Variants in PTK7 observed in about 807,000 individuals in gnomAD.
The protein encoded by PTK7 is inactive tyrosine-protein kinase 7.
A neutral mutation model predicts 116.6 loss-of-function variants in PTK7; 39 were observed. The observed-to-expected ratio is 0.33, with a 90% CI of 0.26 to 0.44. PTK7 has a LOEUF of 0.44. PTK7 is among the 20% of genes least tolerant of loss of function. The probability of loss-of-function intolerance (pLI) is 1.00; values close to 1 mark genes in which losing one functional copy is unlikely to be tolerated. For synonymous variants in PTK7, 546 were observed against 563.6 expected (o/e 0.97, Z 0.44); for missense variants, 1,169 against 1,425.6 (o/e 0.82, Z 2.90).
chr6:43,092,732 C>CTATAACTGTGATGGTTATCTGTGGAGGT (rs1376091247), intron 1 of PTK7, among the ~76,000 whole-genome samples: 4 of 152,082 alleles, frequency 2.6e-5, no homozygotes, highest in African/African-American at 7.2e-5. Context: ...TAAAAGTTGG[C>CTATAACTGTGATGGTTATCTGTGGAGGT]TATAACTGTG....
intron 1 of PTK7, among the ~76,000 whole-genome samples, chr6:43,114,272 C>T (rs1247699118): frequency 1.3e-5 from 2 of 152,204 alleles, no homozygotes; most frequent in African/African-American, 2.4e-5. Flanking sequence ...CAGTTTCTCT[C>T]TGTCTGTGTC....
rs1238212589 is a variant in PTK7 at position 43,143,079 on chromosome 6, T to C, written c.2048-338T>C. The stretch of plus-strand genomic sequence containing the variant: ...TAAACCTGAAGCTCCCAAATGCTGC[T>C]CTCCGGGGCCTGGCTCACATTATCA... On this transcript the variant is annotated intron_variant, in intron 13 of 19. Transcript: ENST00000230419. This position sits in a 1 kb window ranked among gnomAD's most constrained non-coding sequence, Gnocchi z 4.2. 4 of 240,226 alleles carry C rather than the reference T, an allele frequency of 1.7e-5. No individual in the cohort carries two copies. Among genetic ancestry groups the C allele is most frequent in the Non-Finnish European group, 2.4e-5 (3 of 122,544 alleles). The allele number at this position is 240,226 out of a possible 1,614,324, so 14.9% of individuals were successfully genotyped here. A position where few individuals can be genotyped will look rare whatever the true frequency, so the allele number is the denominator to read the frequency against.
chr6:43,081,045 A>G (rs2150367884), intron 1 of PTK7, among the ~76,000 whole-genome samples: 2 of 152,116 alleles, frequency 1.3e-5, no homozygotes, highest in Admixed American at 1.3e-4. Flanking sequence ...CATTCCCAAC[A>G]ATAGACATTT....
intron 1 of PTK7, among the ~76,000 whole-genome samples, chr6:43,103,184 C>G (rs1043005087): frequency 4.6e-5 from 7 of 152,202 alleles, no homozygotes; most frequent in African/African-American, 1.7e-4. Flanking sequence ...ACAAAATGCT[C>G]AGGCATAAAC....
chr6:43,140,519 T>C (rs182813484), intron 10 of PTK7, among the ~76,000 whole-genome samples: 1 of 152,060 alleles, frequency 6.6e-6, no homozygotes, highest in Non-Finnish European at 1.5e-5. Flanking sequence ...TTTGGGTGTA[T>C]GTCTTCTTTT....
Position 43,138,945 on chromosome 6 carries a change from C to T in PTK7, c.1325C>T (p.Thr442Ile), listed in dbSNP as rs566201331. The change falls in exon 8 of 20, where the codon ACA (threonine) becomes ATA (isoleucine). Residue 442 changes from threonine (T) to isoleucine (I), a missense_variant. Physicochemically the swap from Thr to Ile is moderately conservative, Grantham distance 89 (BLOSUM62 -1). Transcript: ENST00000230419. ...DCLTQATPKP[T>I]VVWYRNQMLI... is the part of the protein sequence containing the mutation. ...CTGACCCAGGCCACACCAAAACCTA[C>T]AGTTGTCTGGTACAGAAACCAGATG... is the stretch of plus-strand genomic sequence containing the variant. The T allele has an allele frequency of 9.3e-6, 15 of 1,614,146 alleles. No individual in the cohort carries two copies. In the African/African-American group the frequency reaches 1.7e-4, roughly 19 times the overall value.
At chr6:43,126,307 A>G (rs759219496) in intron 1 of PTK7, among the ~76,000 whole-genome samples, 2 of 152,086 alleles carry the variant, frequency 1.3e-5, no homozygotes, top group Non-Finnish European at 2.9e-5. Flanking sequence ...GTGGCAGAGT[A>G]AGTAAGACTC....
intron 1 of PTK7, among the ~76,000 whole-genome samples, chr6:43,107,494 C>T (rs1582105079): frequency 6.6e-6 from 1 of 152,296 alleles, no homozygotes; most frequent in East Asian, 1.9e-4. Flanking sequence ...AGCATTATAA[C>T]AAGTTAATAT....
chr6:43,145,584 T>G lies in PTK7; in HGVS notation c.2640+152T>G. On this transcript the variant is annotated intron_variant, in intron 16 of 19. Coordinates refer to ENST00000230419, the MANE Select transcript of PTK7 (RefSeq NM_002821.5). The surrounding 1 kb of genome is among the most constrained non-coding windows in gnomAD (Gnocchi z 4.8). ...CTGCTGTTACACTTTGCCCACCTTA[T>G]GATGCTCAGCTTCTGCCTTCCCTGC... The G allele has an allele frequency of 2.0e-6, 1 of 505,462 alleles. No homozygotes were observed. The highest frequency in any genetic ancestry group is 3.3e-6 in the Non-Finnish European group (1 of 300,600). The allele number at this position is 505,462 out of a possible 1,614,324, so 31.3% of individuals were successfully genotyped here.
chr6:43,115,947 A>AAAAAAGG (rs577047547), intron 1 of PTK7, among the ~76,000 whole-genome samples: 10 of 128,402 alleles, frequency 7.8e-5, no homozygotes, highest in African/African-American at 2.5e-4. Context: ...AAAAAAAAAA[A>AAAAAAGG]GGCAGTGGGC....
chr6:43,146,786 T>C (rs1208924580), intron 17 of PTK7, 88 bp downstream of exon 17: 11 of 1,155,654 alleles, frequency 9.5e-6, no homozygotes, highest in Non-Finnish European at 1.3e-5. Flanking sequence ...GGGCTCTCTA[T>C]GGGCCAGGCC....
At chr6:43,134,291 G>A (rs1301558521) in intron 7 of PTK7, among the ~76,000 whole-genome samples, 1 of 151,886 alleles carries the variant, frequency 6.6e-6, no homozygotes, top group Non-Finnish European at 1.5e-5. Flanking sequence ...CACCTGCCTC[G>A]GCCTCCTAAA....
chr6:43,157,724 A>AAT (rs939911312), intron 17 of PTK7, among the ~76,000 whole-genome samples: 13 of 151,456 alleles, frequency 8.6e-5, no homozygotes, highest in Non-Finnish European at 1.6e-4. Flanking sequence ...CTACCAAAGA[A>AAT]ATATATATAT....
At chr6:43,077,524 T>G (rs915629281) in intron 1 of PTK7, among the ~76,000 whole-genome samples, 7 of 152,100 alleles carry the variant, frequency 4.6e-5, no homozygotes, top group African/African-American at 1.7e-4. Context: ...CCTGGCTTGG[T>G]CACACCTAAG....
In PTK7 at chr6:43,158,868, C is replaced by T. The variant is rs140848241; in HGVS notation, c.2773C>T (p.Arg925Cys). The change falls in exon 18 of 20, where the codon CGC becomes TGC. Residue 925 changes from arginine to cysteine, a missense_variant. Arg to Cys is a radical substitution (Grantham distance 180). Coordinates refer to ENST00000230419, the MANE Select transcript of PTK7 (RefSeq NM_002821.5). ...ALGMEHLSNN[R>C]FVHKDLAARN... ...GGGCATGGAGCACCTGTCCAACAAC[C>T]GCTTTGTGCATAAGGACTTGGCTGC... is the stretch of plus-strand genomic sequence containing the variant. 1.2e-5 allele frequency: 19 copies of T among 1,614,060 alleles called. No homozygotes were observed. The highest frequency in any genetic ancestry group is 7.7e-5 in the South Asian group (7 of 91,080).
At chr6:43,123,834 C>T (rs531344742) in intron 1 of PTK7, among the ~76,000 whole-genome samples, 40 of 152,288 alleles carry the variant, frequency 2.6e-4, no homozygotes, top group South Asian at 8.3e-4. Flanking sequence ...GGGGAAGCAG[C>T]ACCCTCTGCG....
Position 43,129,283 on chromosome 6 carries a change from G to A in PTK7, c.367+19G>A, listed in dbSNP as rs1356232999. 3 of 1,613,650 alleles carry A rather than the reference G, an allele frequency of 1.9e-6. No individual in the cohort carries two copies. Among genetic ancestry groups the A allele is most frequent in the South Asian group, 1.1e-5 (1 of 91,036 alleles). On this transcript the variant is annotated intron_variant, in intron 2 of 19. Transcript: ENST00000230419. The surrounding 1 kb of genome is among the most constrained non-coding windows in gnomAD (Gnocchi z 4.5). ...ATCAAATGTGAGAGCCAGGGGGGCTGTGCCCAGTCCCCCTGTCAGACCCTC... is the reference window on the plus strand; with the variant it reads ...ATCAAATGTGAGAGCCAGGGGGGCTATGCCCAGTCCCCCTGTCAGACCCTC...
chr6:43,137,510 C>T (rs538187241), intron 7 of PTK7, among the ~76,000 whole-genome samples: 14 of 152,158 alleles, frequency 9.2e-5, no homozygotes, highest in South Asian at 2.1e-4. Flanking sequence ...CTTTAGCACA[C>T]GTAAAGTTTG....
At chr6:43,158,768 C>G in intron 17 of PTK7, 49 bp from the exon 18 acceptor site, 1 of 1,587,074 alleles carries the variant, frequency 6.3e-7, no homozygotes, top group Non-Finnish European at 8.6e-7. Context: ...GGGTGGTCAT[C>G]TTGATGCCTA....
Sources: allele counts gnomAD v4.1 joint callset (sites outside exome capture counted in the v4.1 genomes callset), GRCh38; gene constraint gnomAD v4.1.1; non-coding constraint Gnocchi (gnomAD v3.1); transcripts MANE v1.5; gene names NCBI Gene and HGNC (gene_info 2026-07-23, HGNC 2026-07-21).